CNTN6: variants seen among roughly 807,000 people sequenced by gnomAD.
CNTN6 encodes the protein contactin-6.
A neutral mutation model predicts 122.8 loss-of-function variants in CNTN6; 137 were observed. That is an observed-to-expected ratio of 1.12 (90% CI 0.97 to 1.29). The LOEUF (loss-of-function observed/expected upper bound fraction) is 1.29, where lower values mean the gene tolerates loss of function less well. Ranked by LOEUF, CNTN6 falls within the 50% of genes most tolerant of loss-of-function variation. CNTN6 has a pLI of 0.00. For synonymous variants in CNTN6, 570 were observed against 426.0 expected (o/e 1.34, Z -4.16); for missense variants, 1,634 against 1,223.4 (o/e 1.34, Z -5.01).
At position 1,286,577 on chromosome 3, in the gene CNTN6, T is replaced by C. The variant is rs551660522; in HGVS notation, c.454+8069T>C. Among the ~76,000 whole-genome samples, 34 of 152,300 alleles carry C rather than the reference T, an allele frequency of 2.2e-4. No homozygotes were observed. In the South Asian group the frequency reaches 6.2e-3, roughly 28 times the overall value. On this transcript the variant is annotated intron_variant, in intron 5 of 22. Coordinates refer to ENST00000446702, the MANE Select transcript of CNTN6 (RefSeq NM_001289080.2). ...ATTCCATGGTGTATATGTGCCACAT[T>C]TTAAAGAAAATGTGACAGTCTATCA...
intron 1 of CNTN6, among the ~76,000 whole-genome samples, chr3:1,113,508 A>T (rs2091577724): frequency 6.6e-6 from 1 of 152,218 alleles, no homozygotes; most frequent in African/African-American, 2.4e-5. Flanking sequence ...GAACAACTTC[A>T]TTGTAAATTC....
intron 5 of CNTN6, among the ~76,000 whole-genome samples, chr3:1,289,146 AT>A (rs1478183236): frequency 5.9e-5 from 9 of 151,758 alleles, no homozygotes; most frequent in African/African-American, 2.2e-4. Flanking sequence ...GAAAAGCCAA[AT>A]GGGAAGGTTT....
chr3:1,338,868 G>C (rs1703478214), intron 11 of CNTN6, among the ~76,000 whole-genome samples: 1 of 151,984 alleles, frequency 6.6e-6, no homozygotes, highest in South Asian at 2.1e-4. Flanking sequence ...AAAAGAAAAT[G>C]GTTGATGACA....
chr3:1,376,449 C>T (rs116087839), intron 16 of CNTN6, among the ~76,000 whole-genome samples: 3,853 of 152,120 alleles, frequency 0.025, 61 homozygotes, highest in Non-Finnish European at 0.032. Context: ...CCTGACTTTG[C>T]AAGTGAAAAG....
intron 7 of CNTN6, among the ~76,000 whole-genome samples, chr3:1,314,013 T>A (rs1375950229): frequency 4.6e-5 from 7 of 152,088 alleles, no homozygotes; most frequent in Admixed American, 3.9e-4. Context: ...GGGTTAGGTT[T>A]CCAACCTATA....
At chr3:1,254,018 A>G (rs1238728735) in intron 4 of CNTN6, among the ~76,000 whole-genome samples, 4 of 152,292 alleles carry the variant, frequency 2.6e-5, no homozygotes, top group South Asian at 4.1e-4. Flanking sequence ...AGTAACCGAC[A>G]TTTTTCTTTA....
At chr3:1,243,113 G>C (rs35990198) in intron 4 of CNTN6, among the ~76,000 whole-genome samples, 19,828 of 152,046 alleles carry the variant, frequency 0.13, 2,295 homozygotes, top group African/African-American at 0.31. Context: ...GTCAGTCAGA[G>C]AGCCTTGGGC....
chr3:1,257,010 G>A (rs531610674), intron 4 of CNTN6, among the ~76,000 whole-genome samples: 30 of 152,190 alleles, frequency 2.0e-4, no homozygotes, highest in East Asian at 7.7e-4. Context: ...AGCACCACCC[G>A]AATATGCTAT....
intron 1 of CNTN6, among the ~76,000 whole-genome samples, chr3:1,130,690 G>A (rs1018068875): frequency 1.3e-5 from 2 of 152,144 alleles, no homozygotes; most frequent in African/African-American, 4.8e-5. Context: ...TCAAATCCTT[G>A]ATTCAGAATC....
At chr3:1,209,715 G>C (rs751746993) in intron 2 of CNTN6, among the ~76,000 whole-genome samples, 1 of 151,430 alleles carries the variant, frequency 6.6e-6, no homozygotes, top group African/African-American at 2.4e-5. Context: ...AGTGTCTCCA[G>C]TTGTTGGTTG....
intron 14 of CNTN6, 135 bp from the exon 15 acceptor site, chr3:1,373,469 C>G (rs1269748678): frequency 1.4e-6 from 1 of 732,088 alleles, no homozygotes; most frequent in Non-Finnish European, 2.1e-6. Context: ...AACTTTATCG[C>G]TAATAATGTG....
At chr3:1,296,589 C>T (rs185933902) in intron 6 of CNTN6, among the ~76,000 whole-genome samples, 1 of 152,126 alleles carries the variant, frequency 6.6e-6, no homozygotes, top group East Asian at 1.9e-4. Context: ...AGTTTTTCTC[C>T]CCTCTGAAGA....
At chr3:1,293,974 G>T (rs954896554) in intron 5 of CNTN6, among the ~76,000 whole-genome samples, 4 of 152,146 alleles carry the variant, frequency 2.6e-5, no homozygotes, top group Non-Finnish European at 5.9e-5. Flanking sequence ...TTTTTGTGAG[G>T]TTATGGGACA....
intron 5 of CNTN6, among the ~76,000 whole-genome samples, chr3:1,295,149 C>T (rs1267821766): frequency 6.6e-6 from 1 of 152,138 alleles, no homozygotes; most frequent in Admixed American, 6.5e-5. Context: ...CTGTGGTAGA[C>T]TTCTTGAACT....
At chr3:1,299,962 C>T (rs1287958034) in intron 7 of CNTN6, among the ~76,000 whole-genome samples, 5 of 151,996 alleles carry the variant, frequency 3.3e-5, no homozygotes, top group African/African-American at 1.2e-4. Flanking sequence ...TATTCTAAAA[C>T]CAAAATCCAA....
At chr3:1,306,336 A>G (rs116768603) in intron 7 of CNTN6, among the ~76,000 whole-genome samples, 2,138 of 152,288 alleles carry the variant, frequency 0.014, 18 homozygotes, top group Non-Finnish European at 0.02. Context: ...GCATAAAATA[A>G]TCAAGTAAAC....
At chr3:1,348,565 T>A (rs978804215) in intron 11 of CNTN6, among the ~76,000 whole-genome samples, 2 of 151,852 alleles carry the variant, frequency 1.3e-5, no homozygotes, top group African/African-American at 4.8e-5. Flanking sequence ...GGTCATTCTA[T>A]GCAAATAAAA....
chr3:1,170,828 T>C (rs1559448684), intron 2 of CNTN6, among the ~76,000 whole-genome samples: 1 of 152,334 alleles, frequency 6.6e-6, no homozygotes, highest in African/African-American at 2.4e-5. Context: ...CTTTAAGAAG[T>C]TGGGTTACCT....
chr3:1,214,713 G>A (rs768728902), intron 2 of CNTN6, among the ~76,000 whole-genome samples: 2 of 152,070 alleles, frequency 1.3e-5, no homozygotes, highest in African/African-American at 4.8e-5. Flanking sequence ...GTATAAAATG[G>A]TACTGTTTAA....
Sources: allele counts gnomAD v4.1 joint callset (sites outside exome capture counted in the v4.1 genomes callset), GRCh38; gene constraint gnomAD v4.1.1; transcripts MANE v1.5; gene names NCBI Gene and HGNC (gene_info 2026-07-23, HGNC 2026-07-21).